Variants in PEBP4 observed in about 807,000 individuals in gnomAD.
The protein encoded by PEBP4 is phosphatidylethanolamine binding protein 4, also known as phosphatidylethanolamine-binding protein 4.
In PEBP4, 22 loss-of-function variants were observed where a neutral mutation model predicts 23.9. That is an observed-to-expected ratio of 0.92 (90% CI 0.66 to 1.31). The LOEUF is 1.31. Ranked by LOEUF, PEBP4 falls within the 40% of genes most tolerant of loss-of-function variation. The pLI is 0.00. For synonymous variants in PEBP4, 112 were observed against 99.3 expected (o/e 1.13, Z -0.76); for missense variants, 324 against 281.7 (o/e 1.15, Z -1.07).
chr8:22,727,286 G>A, intron 4 of PEBP4, 66 bp from the exon 5 acceptor site: 1 of 1,504,012 alleles, frequency 6.6e-7, no homozygotes, highest in East Asian at 2.3e-5. Flanking sequence ...CGTGGGCTCT[G>A]CGGGATTGCT....
At chr8:22,827,699 C>T (rs1807001474) in intron 3 of PEBP4, among the ~76,000 whole-genome samples, 1 of 152,202 alleles carries the variant, frequency 6.6e-6, no homozygotes, top group African/African-American at 2.4e-5. Flanking sequence ...TGAACATTTG[C>T]TGTAAGTCTC....
intron 3 of PEBP4, among the ~76,000 whole-genome samples, chr8:22,915,390 G>A (rs1455332314): frequency 1.6e-5 from 1 of 63,538 alleles, no homozygotes; most frequent in East Asian, 3.9e-4. Flanking sequence ...TACCCGCCCC[G>A]ACCCCCGACC....
rs1167024691 is a variant in PEBP4, at chr8:22,927,659, A to C, written c.56T>G (p.Val19Gly). 1 of 1,613,776 alleles carries C rather than the reference A, an allele frequency of 6.2e-7. No homozygotes were observed. Among genetic ancestry groups the C allele is most frequent in the Admixed American group, 1.7e-5 (1 of 59,966 alleles). ...TAALLLGLMM[V>G]VTGDEDENSP... ...GTTCTCATCCTCGTCTCCAGTGACC[A>C]CCATCATGAGACCCAGTAACAGTGC... is the stretch of plus-strand genomic sequence containing the variant. The change falls in exon 2 of 7, where the codon GTG becomes GGG. Residue 19 changes from valine (V) to glycine (G), a missense_variant. Val to Gly is a moderately radical substitution (Grantham distance 109). Transcript: ENST00000256404.
At chr8:22,713,844 G>A (rs1014883682) in intron 6 of PEBP4, among the ~76,000 whole-genome samples, 1 of 114,982 alleles carries the variant, frequency 8.7e-6, no homozygotes, top group Non-Finnish European at 1.8e-5. Context: ...CTGCCTTCTC[G>A]CTCCCGCTCC....
At chr8:22,917,067 G>A (rs1809091855) in intron 3 of PEBP4, among the ~76,000 whole-genome samples, 1 of 150,996 alleles carries the variant, frequency 6.6e-6, no homozygotes, top group Admixed American at 6.6e-5. Flanking sequence ...GCTCTATGGT[G>A]GGCACAGAGG....
chr8:22,713,258 T>A lies in PEBP4; in HGVS notation c.*112A>T. ...AGGATACAAAGCACCAAGCCCTGGA[T>A]GATTTTTTTTTTATTTGGAAAAGAA... On this transcript the variant is annotated 3_prime_UTR_variant, in exon 7 of 7. Transcript: ENST00000256404. The A allele has an allele frequency of 7.1e-7, 1 of 1,414,398 alleles. No individual in the cohort carries two copies. Among genetic ancestry groups the A allele is most frequent in the East Asian group, 2.6e-5 (1 of 38,010 alleles). 87.6% of individuals were successfully genotyped at this position (1,414,398 alleles called of 1,614,324 possible).
intron 4 of PEBP4, among the ~76,000 whole-genome samples, chr8:22,800,729 G>A (rs1806364323): frequency 6.6e-6 from 1 of 152,122 alleles, no homozygotes; most frequent in Non-Finnish European, 1.5e-5. Flanking sequence ...TGGGGCAGGT[G>A]GCATGATACC....
chr8:22,850,523 T>A (rs1585306104), intron 3 of PEBP4, among the ~76,000 whole-genome samples: 1 of 151,534 alleles, frequency 6.6e-6, no homozygotes, highest in African/African-American at 2.4e-5. Context: ...CTAGGAGGGG[T>A]TGTTCTTGGT....
chr8:22,893,227 T>A (rs1211073033), intron 3 of PEBP4, among the ~76,000 whole-genome samples: 1 of 152,286 alleles, frequency 6.6e-6, no homozygotes, highest in East Asian at 1.9e-4. Context: ...GGGGCAAAAT[T>A]AGCCCTAGAA....
intron 1 of PEBP4, among the ~76,000 whole-genome samples, chr8:22,934,038 G>C (rs980922230): frequency 3.3e-5 from 5 of 152,052 alleles, no homozygotes; most frequent in Non-Finnish European, 5.9e-5. Context: ...GAGGTGCCAG[G>C]CTCTTTTTAA....
chr8:22,830,503 C>T (rs552429210), intron 3 of PEBP4, among the ~76,000 whole-genome samples: 122 of 152,284 alleles, frequency 8.0e-4, no homozygotes, highest in African/African-American at 2.8e-3. Context: ...CCCACAGCCA[C>T]ATTTATTTCT....
At chr8:22,878,572 G>A (rs1390119007) in intron 3 of PEBP4, among the ~76,000 whole-genome samples, 1 of 152,218 alleles carries the variant, frequency 6.6e-6, no homozygotes, top group Non-Finnish European at 1.5e-5. Flanking sequence ...GACAGGTGGG[G>A]AGGGCTTCCC....
At chr8:22,794,622 T>C (rs1244365085) in intron 4 of PEBP4, among the ~76,000 whole-genome samples, 1 of 152,216 alleles carries the variant, frequency 6.6e-6, no homozygotes, top group African/African-American at 2.4e-5. Context: ...TGTAAGTGCG[T>C]TACGTGTTAA....
At chr8:22,771,578 T>C (rs1805718529) in intron 4 of PEBP4, among the ~76,000 whole-genome samples, 1 of 152,190 alleles carries the variant, frequency 6.6e-6, no homozygotes, top group African/African-American at 2.4e-5. Flanking sequence ...AAGCAATCAT[T>C]GGATGGAACT....
chr8:22,927,528 C>T, intron 2 of PEBP4, 56 bp downstream of exon 2: 1 of 1,559,612 alleles, frequency 6.4e-7, no homozygotes, highest in Non-Finnish European at 8.7e-7. Context: ...CCCTCCCTGC[C>T]ATCTACCTGC....
intron 4 of PEBP4, among the ~76,000 whole-genome samples, chr8:22,730,018 T>C (rs1804699209): frequency 6.6e-6 from 1 of 152,162 alleles, no homozygotes; most frequent in Non-Finnish European, 1.5e-5. Flanking sequence ...TCAAGGAGGA[T>C]GAGGCCTTAG....
chr8:22,769,387 T>C (rs1805673698), intron 4 of PEBP4, among the ~76,000 whole-genome samples: 2 of 152,222 alleles, frequency 1.3e-5, no homozygotes, highest in African/African-American at 2.4e-5. Flanking sequence ...ATTATTATGC[T>C]TGGTCCTGTC....
intron 3 of PEBP4, among the ~76,000 whole-genome samples, chr8:22,836,322 A>G (rs558670778): frequency 1.6e-4 from 24 of 151,816 alleles, no homozygotes; most frequent in African/African-American, 5.3e-4. Flanking sequence ...TCCAAATTCC[A>G]CTCTCTTCCC....
chr8:22,826,634 G>C (rs1050766848), intron 3 of PEBP4, among the ~76,000 whole-genome samples: 2 of 152,030 alleles, frequency 1.3e-5, no homozygotes, highest in Non-Finnish European at 2.9e-5. Flanking sequence ...GATAACTTTA[G>C]TGTAAAAAGC....
Sources: allele counts gnomAD v4.1 joint callset (sites outside exome capture counted in the v4.1 genomes callset), GRCh38; gene constraint gnomAD v4.1.1; transcripts MANE v1.5; gene names NCBI Gene and HGNC (gene_info 2026-07-23, HGNC 2026-07-21).